The following CARNMT1 variants were observed in gnomAD, a reference collection of about 807,000 sequenced individuals.
CARNMT1 encodes the protein carnosine N-methyltransferase 1, also known as protein-L-histidine N-pros-methyltransferase CARNMT1.
Under a neutral mutation model 49.6 loss-of-function variants are expected in CARNMT1, and 28 were observed. The observed-to-expected ratio is 0.56, with a 90% confidence interval of 0.42 to 0.77. The LOEUF (loss-of-function observed/expected upper bound fraction) is 0.77. CARNMT1 is among the 30% of genes least tolerant of loss of function. The probability of loss-of-function intolerance (pLI) is 0.00; values close to 1 mark genes in which losing one functional copy is unlikely to be tolerated. For synonymous variants in CARNMT1, 178 were observed against 175.0 expected (o/e 1.02, Z -0.13); for missense variants, 421 against 512.6 (o/e 0.82, Z 1.73).
At chr9:75,025,745 A>C (rs1822506045) in intron 1 of CARNMT1, among the ~76,000 whole-genome samples, 1 of 152,192 alleles carries the variant, frequency 6.6e-6, no homozygotes, top group African/African-American at 2.4e-5. Flanking sequence ...CATATTGTTT[A>C]AGGGTCAACT....
Position 75,017,325 on chromosome 9 carries a change from A to T in CARNMT1, c.354T>A (p.His118Gln). The T allele has an allele frequency of 6.2e-7, 1 of 1,614,030 alleles. No individual in the cohort carries two copies. The highest frequency in any genetic ancestry group is 8.5e-7 in the Non-Finnish European group (1 of 1,179,884). The change falls in exon 2 of 8, where the codon CAT becomes CAA. Residue 118 changes from histidine (H) to glutamine (Q), a missense_variant. Coordinates refer to ENST00000376834, the MANE Select transcript of CARNMT1 (RefSeq NM_152420.3). ...CAATGGTCAGTAGTATTTCTTGATTATGATCAATGCATTTCCGGATCTTGT... is the reference window on the plus strand; with the variant it reads ...CAATGGTCAGTAGTATTTCTTGATTTTGATCAATGCATTTCCGGATCTTGT... ...HLDKIRKCIDHNQEILLTIVN... is the reference protein window; with the variant it reads ...HLDKIRKCIDQNQEILLTIVN...
intron 3 of CARNMT1, among the ~76,000 whole-genome samples, chr9:75,005,834 AC>A: frequency 1.2e-5 from 1 of 80,290 alleles, no homozygotes; most frequent in African/African-American, 6.1e-5. Context: ...TAAAACACAC[AC>A]ACACACACAC....
intron 6 of CARNMT1, among the ~76,000 whole-genome samples, chr9:74,993,930 TC>T (rs1198068119): frequency 2.0e-5 from 3 of 151,922 alleles, no homozygotes; most frequent in African/African-American, 7.3e-5. Context: ...AAAAGAGAGG[TC>T]CTATTGACTG....
At chr9:75,007,010 T>C (rs771142834) in intron 3 of CARNMT1, among the ~76,000 whole-genome samples, 20 of 152,208 alleles carry the variant, frequency 1.3e-4, no homozygotes, top group Non-Finnish European at 2.2e-4. Context: ...AGAAATGATG[T>C]TGATATAAAC....
chr9:74,991,759 CAG>C (rs1334804131), intron 6 of CARNMT1: 6 of 152,092 alleles, frequency 3.9e-5, no homozygotes, highest in African/African-American at 1.4e-4. Flanking sequence ...CCTCGTTTTC[CAG>C]AGTTATTCGG....
intron 6 of CARNMT1, among the ~76,000 whole-genome samples, chr9:74,988,232 T>C (rs1832905247): frequency 6.6e-6 from 1 of 152,100 alleles, no homozygotes; most frequent in Non-Finnish European, 1.5e-5. Flanking sequence ...CATATTCTTT[T>C]AGTGGCCATA....
In CARNMT1 at chr9:74,998,554, T is replaced by G. The variant is rs199505878; in HGVS notation, c.910+44A>C. ...TAGGATAAAACTAGCTCATTAAATT[T>G]AGAATAAAGGACAAGACTTTTTAAA... On this transcript the variant is annotated intron_variant, in intron 5 of 7. Coordinates refer to ENST00000376834, the MANE Select transcript of CARNMT1 (RefSeq NM_152420.3). 2.1e-6 allele frequency: 3 copies of G among 1,439,630 alleles called. No homozygotes were observed. In the African/African-American group the frequency reaches 4.3e-5, roughly 21 times the overall value. The allele number at this position is 1,439,630 out of a possible 1,614,324, so 89.2% of individuals were successfully genotyped here. A position where few individuals can be genotyped will look rare whatever the true frequency, so the allele number is the denominator to read the frequency against.
chr9:75,009,064 T>G (rs1833607952), intron 3 of CARNMT1, among the ~76,000 whole-genome samples: 1 of 149,040 alleles, frequency 6.7e-6, no homozygotes, highest in African/African-American at 2.5e-5. Flanking sequence ...GACAGTCTTT[T>G]TTTTTTTTTT....
Position 75,028,228 on chromosome 9 carries a change from C to G in CARNMT1, c.14G>C (p.Arg5Pro). ...CCGGGAGGTGGGCGGCGGAGGGCGA[C>G]GCCGTCGCTGCATCGCCGCCGCGGC... MQRRRRPPPPTSRLP... is the reference protein window; with the variant it reads MQRRPRPPPPTSRLP... Residue 5 changes from arginine to proline, a missense_variant, in exon 1 of 8, where the codon CGT becomes CCT. Physicochemically the swap from Arg to Pro is moderately radical, Grantham distance 103. This residue lies in a region of CARNMT1 where 186 missense variants were observed against 167.9 expected (regional missense o/e 1.11). Coordinates refer to ENST00000376834, the MANE Select transcript of CARNMT1 (RefSeq NM_152420.3). 2.2e-6 allele frequency: 3 copies of G among 1,395,022 alleles called. No individual in the cohort carries two copies. Among genetic ancestry groups the G allele is most frequent in the Non-Finnish European group, 2.8e-6 (3 of 1,078,108 alleles). The allele number at this position is 1,395,022 out of a possible 1,614,324, so 86.4% of individuals were successfully genotyped here. A position where few individuals can be genotyped will look rare whatever the true frequency, so the allele number is the denominator to read the frequency against.
At chr9:75,028,355 C>A, upstream of CARNMT1, 1 of 1,302,390 alleles carries the variant, frequency 7.7e-7, no homozygotes. Flanking sequence ...CCCCAGCTCG[C>A]GGCGCGCTCC....
In CARNMT1 at chr9:74,981,831, T is replaced by C. The variant is rs1431894877; in HGVS notation, c.*1936A>G. The C allele has an allele frequency of 2.0e-5, 3 of 152,046 alleles. No individual in the cohort carries two copies. The highest frequency in any genetic ancestry group is 2.0e-4 in the Admixed American group (3 of 15,260). 9.4% of individuals were successfully genotyped at this position (152,046 alleles called of 1,614,324 possible). On this transcript the variant is annotated 3_prime_UTR_variant, in exon 8 of 8. Coordinates refer to ENST00000376834, the MANE Select transcript of CARNMT1 (RefSeq NM_152420.3). ...ATGTCTAAGCCATTGAAAAACAGCA[T>C]GCATTCCTTTCTGTTCGATTGATTT...
At chr9:75,012,810 C>T (rs1303073595) in intron 3 of CARNMT1, among the ~76,000 whole-genome samples, 10 of 150,624 alleles carry the variant, frequency 6.6e-5, no homozygotes, top group Non-Finnish European at 8.9e-5. Context: ...CCTAGCTACT[C>T]GGGAGGCTGA....
intron 6 of CARNMT1, among the ~76,000 whole-genome samples, chr9:74,988,977 C>A (rs2118757374): frequency 6.6e-6 from 1 of 152,302 alleles, no homozygotes; most frequent in Non-Finnish European, 1.5e-5. Flanking sequence ...ACTGTACTTA[C>A]CTAAGCTTTA....
intron 3 of CARNMT1, among the ~76,000 whole-genome samples, chr9:75,003,424 G>A (rs968165343): frequency 4.6e-5 from 7 of 152,344 alleles, no homozygotes; most frequent in Non-Finnish European, 1.0e-4. Flanking sequence ...TTACTAAAAC[G>A]CAGCCATACT....
intron 3 of CARNMT1, among the ~76,000 whole-genome samples, chr9:75,015,410 TTTAC>T: frequency 6.6e-6 from 1 of 152,288 alleles, no homozygotes; most frequent in African/African-American, 2.4e-5. Context: ...GCATCACAAA[TTTAC>T]TTTTTAAATA....
chr9:74,985,578 A>G (rs1056016025), intron 6 of CARNMT1, among the ~76,000 whole-genome samples: 1 of 151,722 alleles, frequency 6.6e-6, no homozygotes, highest in East Asian at 1.9e-4. Flanking sequence ...CATCTACAAT[A>G]TGACTTTTTT....
chr9:74,988,101 G>C (rs965490730), intron 6 of CARNMT1, among the ~76,000 whole-genome samples: 3 of 149,962 alleles, frequency 2.0e-5, no homozygotes, highest in African/African-American at 7.4e-5. Context: ...TTTTTTTTTA[G>C]AGACAGTGTC....
At chr9:75,005,698 C>A (rs1833486582) in intron 3 of CARNMT1, among the ~76,000 whole-genome samples, 1 of 151,954 alleles carries the variant, frequency 6.6e-6, no homozygotes, top group African/African-American at 2.4e-5. Context: ...TGATCTCGAT[C>A]TCCTGATCTC....
intron 3 of CARNMT1, among the ~76,000 whole-genome samples, chr9:75,009,603 G>A (rs1432376385): frequency 6.6e-6 from 1 of 152,116 alleles, no homozygotes; most frequent in Non-Finnish European, 1.5e-5. Flanking sequence ...GGACAAATAA[G>A]TGATTAGTAG....
Sources: gnomAD v4.1 joint callset for allele counts (sites outside exome capture counted in the v4.1 genomes callset) on GRCh38, gnomAD v4.1.1 for gene constraint, gnomAD v4.1.1 regional missense constraint, MANE v1.5 for transcripts, NCBI Gene and HGNC (gene_info 2026-07-23, HGNC 2026-07-21) for gene names.